Variants in PCNX3 observed in about 807,000 individuals in gnomAD.
The protein encoded by PCNX3 is pecanex-like protein 3.
Under a neutral mutation model 207.2 loss-of-function variants are expected in PCNX3, and 58 were observed. The observed-to-expected ratio is 0.28, with a 90% CI of 0.23 to 0.35. The LOEUF is 0.35. Ranked by LOEUF, PCNX3 falls within the 10% of genes least tolerant of loss-of-function variation. PCNX3 has a pLI of 1.00. For synonymous variants in PCNX3, 1,337 were observed against 1,183.5 expected, an observed-to-expected ratio of 1.13 and a Z score of -2.66; for missense variants, 2,410 against 2,774.4, an observed-to-expected ratio of 0.87 and a Z score of 2.95.
Position 65,635,832 on chromosome 11 carries a change from G to A in PCNX3, c.5459+29G>A. The A allele has an allele frequency of 6.3e-7, 1 of 1,585,998 alleles. No individual in the cohort carries two copies. The highest frequency in any genetic ancestry group is 1.3e-5 in the African/African-American group (1 of 74,586). ...AGGCCTCGGGAAGGGGTGACGTGTG[G>A]CGCGGGAGGAAGCTGAGGTGCAGTA... On this transcript the variant is annotated intron_variant, in intron 32 of 34. Transcript: ENST00000355703. This position sits in a 1 kb window ranked among gnomAD's most constrained non-coding sequence, Gnocchi z 9.9.
In PCNX3 at chr11:65,626,069, CT is replaced by C. The variant is rs773853403; in HGVS notation, c.3379+16del. On this transcript the variant is annotated intron_variant, in intron 20 of 34. Transcript: ENST00000355703. ...TGAAGTGCGCGGTGAGTGCCCACCC[CT>C]GATGGCCAGGCCTGGGCAGTGGCTC... The C allele has an allele frequency of 6.9e-6, 11 of 1,588,790 alleles. No individual in the cohort carries two copies. Among genetic ancestry groups the C allele is most frequent in the South Asian group, 6.8e-5 (6 of 88,058 alleles).
intron 24 of PCNX3, 121 bp downstream of exon 24, chr11:65,629,069 G>A: frequency 1.4e-6 from 2 of 1,406,660 alleles, no homozygotes; most frequent in South Asian, 1.3e-5. Context: ...GGTCACAGTG[G>A]GGACACATGA....
chr11:65,625,594 C>T lies in PCNX3; in HGVS notation c.3136-58C>T, dbSNP rs1383889491. On this transcript the variant is annotated intron_variant, in intron 18 of 34. Coordinates refer to ENST00000355703, the MANE Select transcript of PCNX3 (RefSeq NM_032223.4). This position sits in a 1 kb window ranked among gnomAD's most constrained non-coding sequence, Gnocchi z 5.6. ...GGAGGGGCATGTCCAGCTTGGGCTG[C>T]TGGGCAGCTGAGTGTCTCTCCTGGC... The T allele has an allele frequency of 2.5e-6, 4 of 1,594,062 alleles. No homozygotes were observed. Among genetic ancestry groups the T allele is most frequent in the African/African-American group, 1.3e-5 (1 of 74,584 alleles).
In PCNX3 at chr11:65,620,403, AG is replaced by A; in HGVS notation, c.2077del (p.Glu693SerfsTer29). 6.2e-7 allele frequency: 1 copy of A among 1,613,202 alleles called. No individual in the cohort carries two copies. Among genetic ancestry groups the A allele is most frequent in the Non-Finnish European group, 8.5e-7 (1 of 1,179,764 alleles). On this transcript the variant is annotated frameshift_variant, in exon 9 of 35. Transcript: ENST00000355703. LOFTEE classifies it high-confidence loss of function. ...GCTACGAGAACCCTGTAGGGCAGCA[AG>A]GGGAGCAGACAGCTAATGGAGCCTG... ...GGYENPVGQQ[G>X]EQTANGAWDR...
chr11:65,618,111 G>A lies in PCNX3; in HGVS notation c.749G>A (p.Ser250Asn). The part of the protein sequence containing the change: ...LLKGSLSQEL[S>N]KSFLTLTQPD... ...AAGGGGAGCCTCAGCCAGGAGCTGA[G>A]CAAGAGCTTCCTGACCCTGACCCAG... The change falls in exon 6 of 35, where the codon AGC becomes AAC. Residue 250 changes from serine (S) to asparagine (N), a missense_variant. Transcript: ENST00000355703. 2 of 1,611,170 alleles carry A rather than the reference G, an allele frequency of 1.2e-6. No homozygotes were observed. The highest frequency in any genetic ancestry group is 1.1e-5 in the South Asian group (1 of 90,914).
chr11:65,623,134 T>C (rs1855198639), intron 11 of PCNX3, among the ~76,000 whole-genome samples: 1 of 152,256 alleles, frequency 6.6e-6, no homozygotes, highest in Non-Finnish European at 1.5e-5. Context: ...GACTGGGTGC[T>C]GGTCCTGTGT....
rs941486334 is a variant in PCNX3, at chr11:65,625,526, G to A, written c.3135+16G>A. ...CCAGTCGGTGGTGAGGGGGCGGGGG[G>A]TGGGGGTCTGTGGGGAGGTGGTGAC... is the stretch of plus-strand genomic sequence containing the variant. On this transcript the variant is annotated intron_variant, in intron 18 of 34. Coordinates refer to ENST00000355703, the MANE Select transcript of PCNX3 (RefSeq NM_032223.4). This position sits in a 1 kb window ranked among gnomAD's most constrained non-coding sequence, Gnocchi z 5.6. 29 of 1,577,910 alleles carry A rather than the reference G, an allele frequency of 1.8e-5. 1 individual carries two copies. The Admixed American group carries it at 2.1e-4, about 11-fold the overall frequency.
chr11:65,632,831 A>T (rs1241964439), intron 27 of PCNX3, among the ~76,000 whole-genome samples: 2 of 150,262 alleles, frequency 1.3e-5, no homozygotes, highest in African/African-American at 4.9e-5. Flanking sequence ...TGCAGTGTCC[A>T]CCTCCCAGGT....
chr11:65,624,453 G>C lies in PCNX3; in HGVS notation c.2717-18G>C. The C allele has an allele frequency of 6.4e-7, 1 of 1,574,512 alleles. No homozygotes were observed. Among genetic ancestry groups the C allele is most frequent in the South Asian group, 1.2e-5 (1 of 85,704 alleles). On this transcript the variant is annotated intron_variant, in intron 14 of 34. Coordinates refer to ENST00000355703, the MANE Select transcript of PCNX3 (RefSeq NM_032223.4). ...AAGCCAGCAGGCTGACCAGGCCTTCGTGTCCCCTCCCTGCCAGTGTTCACC... is the reference window on the plus strand; with the variant it reads ...AAGCCAGCAGGCTGACCAGGCCTTCCTGTCCCCTCCCTGCCAGTGTTCACC...
intron 11 of PCNX3, among the ~76,000 whole-genome samples, chr11:65,622,794 G>A (rs1855178154): frequency 6.6e-6 from 1 of 151,898 alleles, no homozygotes; most frequent in South Asian, 2.1e-4. Context: ...AGTAGAGATG[G>A]GGTTTCACAG....
chr11:65,622,977 C>T (rs1450146434), intron 11 of PCNX3, among the ~76,000 whole-genome samples: 2 of 151,692 alleles, frequency 1.3e-5, no homozygotes, highest in Non-Finnish European at 1.5e-5. Flanking sequence ...GCTCACAGAC[C>T]AGTTATCTCA....
At position 65,618,271 on chromosome 11, in the gene PCNX3, C is replaced by T. The variant is rs61744396; in HGVS notation, c.909C>T (p.Ser303=). 5.5e-3 allele frequency: 8,916 copies of T among 1,609,984 alleles called. 446 individuals carry two copies. The African/African-American group carries it at 0.11, about 19-fold the overall frequency. Residue 303 remains serine (S), a synonymous_variant, in exon 6 of 35, where the codon AGC becomes AGT. Coordinates refer to ENST00000355703, the MANE Select transcript of PCNX3 (RefSeq NM_032223.4). ...QKAGSSDSCF[S]GTDRETLSSF... ...CCGGCTCCTCAGACTCCTGCTTCAG[C>T]GGCACTGACAGGGAGACATTGAGCA...
At position 65,635,371 on chromosome 11, in the gene PCNX3, C is replaced by G; in HGVS notation, c.5107C>G (p.His1703Asp). Reference protein sequence around the residue: ...SNTPSLLALRHVLDDASDEYK... With the variant: ...SNTPSLLALRDVLDDASDEYK... ...CACGCCCTCCCTGCTGGCGCTGCGC[C>G]ATGTCCTGGATGATGCCTCCGACGA... The change falls in exon 31 of 35, where the codon CAT becomes GAT. Residue 1703 changes from histidine (H) to aspartate (D), a missense_variant. This residue lies in a region of PCNX3 where 420 missense variants were observed against 705.3 expected (regional missense o/e 0.60). Transcript: ENST00000355703. This position sits in a 1 kb window ranked among gnomAD's most constrained non-coding sequence, Gnocchi z 9.9. The G allele has an allele frequency of 6.2e-7, 1 of 1,612,242 alleles. No homozygotes were observed. Among genetic ancestry groups the G allele is most frequent in the Non-Finnish European group, 8.5e-7 (1 of 1,179,616 alleles).
Position 65,620,835 on chromosome 11 carries a change from C to T in PCNX3, c.2104C>T (p.Arg702Ter), listed in dbSNP as rs778776458. 3 of 1,595,768 alleles carry T rather than the reference C, an allele frequency of 1.9e-6. No homozygotes were observed. Among genetic ancestry groups the T allele is most frequent in the Non-Finnish European group, 2.6e-6 (3 of 1,172,336 alleles). Residue 702 changes from arginine (R) to a stop codon, truncating the protein, a stop_gained, in exon 10 of 35, where the codon CGA becomes TGA. Coordinates refer to ENST00000355703, the MANE Select transcript of PCNX3 (RefSeq NM_032223.4). LOFTEE classifies it high-confidence loss of function. The stretch of plus-strand genomic sequence containing the variant: ...TGATGGCTGCTGTTCTCACAGGGAC[C>T]GACACTCGCATTCCTCCAGCTTCCA... The part of the protein sequence containing the change: ...GEQTANGAWD[R>*]HSHSSSFHSA...
At chr11:65,624,012 G>C in intron 13 of PCNX3, 51 bp downstream of exon 13, 2 of 1,605,386 alleles carry the variant, frequency 1.2e-6, no homozygotes, top group Non-Finnish European at 1.7e-6. Context: ...GGGAGGGGCT[G>C]AGACCAGGTG....
rs142310983 is a variant in PCNX3, at chr11:65,636,776, ACCTCAG to A, written c.5930_5935del (p.Leu1977_Ser1978del). The A allele has an allele frequency of 1.1e-3, 1,631 of 1,545,564 alleles. 2 individuals carry two copies. The highest frequency in any genetic ancestry group is 1.5e-3 in the African/African-American group (109 of 71,726). On this transcript the variant is annotated inframe_deletion, in exon 35 of 35. Transcript: ENST00000355703. Reference sequence around the variant, plus strand: ...TCCCCCCTCCCCCAGGCGCCTCTAGACCTCAGCCTCAGCCTCAGCCTCAGCCTCAGC... The same window carrying A: ...TCCCCCCTCCCCCAGGCGCCTCTAGACCTCAGCCTCAGCCTCAGCCTCAGC...
chr11:65,625,628 T>C lies in PCNX3; in HGVS notation c.3136-24T>C. 2 of 1,604,398 alleles carry C rather than the reference T, an allele frequency of 1.2e-6. No individual in the cohort carries two copies. Among genetic ancestry groups the C allele is most frequent in the Non-Finnish European group, 1.7e-6 (2 of 1,173,362 alleles). On this transcript the variant is annotated intron_variant, in intron 18 of 34. Transcript: ENST00000355703. This position sits in a 1 kb window ranked among gnomAD's most constrained non-coding sequence, Gnocchi z 5.6. ...TGAGTGTCTCTCCTGGCCGGGCAGC[T>C]GAATGTCTCTCCTGGCCCTGCAGCG... is the stretch of plus-strand genomic sequence containing the variant.
chr11:65,624,245 C>G lies in PCNX3; in HGVS notation c.2595C>G (p.Cys865Trp). 1 of 1,607,600 alleles carries G rather than the reference C, an allele frequency of 6.2e-7. No individual in the cohort carries two copies. Among genetic ancestry groups the G allele is most frequent in the Non-Finnish European group, 8.5e-7 (1 of 1,177,200 alleles). ...GCCGTCCTGTCTACTTCTGCATCTG[C>G]TGTCTGCTCATCTGGCTGCTGGACG... The part of the protein sequence containing the change: ...AYSRPVYFCI[C>W]CLLIWLLDAL... Residue 865 changes from cysteine to tryptophan, a missense_variant, in exon 14 of 35, where the codon TGC (cysteine) becomes TGG (tryptophan). Transcript: ENST00000355703.
rs1854863958 is a variant in PCNX3, at chr11:65,618,292, G to A, written c.930G>A (p.Leu310=). The change falls in exon 6 of 35, where the codon TTG becomes TTA. Residue 310 remains leucine (L), a synonymous_variant. Coordinates refer to ENST00000355703, the MANE Select transcript of PCNX3 (RefSeq NM_032223.4). ...TCAGCGGCACTGACAGGGAGACATT[G>A]AGCAGCTTCAAGAGTGAGAAGACCA... ...SCFSGTDRET[L]SSFKSEKTNS... is the part of the protein sequence containing the mutation. The A allele has an allele frequency of 6.2e-7, 1 of 1,610,118 alleles. No individual in the cohort carries two copies. Among genetic ancestry groups the A allele is most frequent in the Non-Finnish European group, 8.5e-7 (1 of 1,178,090 alleles).
Sources: allele counts gnomAD v4.1 joint callset (sites outside exome capture counted in the v4.1 genomes callset), GRCh38; gene constraint gnomAD v4.1.1; regional missense constraint gnomAD v4.1.1; non-coding constraint Gnocchi (gnomAD v3.1); transcripts MANE v1.5; gene names NCBI Gene and HGNC (gene_info 2026-07-23, HGNC 2026-07-21).